The following TCF12 variants were observed in gnomAD, a reference collection of about 807,000 sequenced individuals.
TCF12 encodes the protein transcription factor 12.
TCF12 carries 45 observed loss-of-function variants against 86.0 expected under a neutral mutation model. The observed-to-expected ratio is 0.52, with a 90% confidence interval of 0.41 to 0.67. TCF12 has a LOEUF of 0.67. Ranked by LOEUF, TCF12 falls within the 30% of genes least tolerant of loss-of-function variation. The pLI, the probability that TCF12 is intolerant of heterozygous loss-of-function variation, is 0.00. For synonymous variants in TCF12, 330 were observed against 299.6 expected, an observed-to-expected ratio of 1.10 and a Z score of -1.05; for missense variants, 881 against 859.9, an observed-to-expected ratio of 1.02 and a Z score of -0.31.
At chr15:57,191,873 G>T (rs531515840) in intron 6 of TCF12, among the ~76,000 whole-genome samples, 2 of 151,700 alleles carry the variant, frequency 1.3e-5, no homozygotes, top group Non-Finnish European at 2.9e-5. Flanking sequence ...GGCAGAGGTC[G>T]CAGTGAGCTG....
chr15:57,122,098 CAAAA>C (rs1159877371), intron 5 of TCF12, among the ~76,000 whole-genome samples: 1 of 99,128 alleles, frequency 1.0e-5, no homozygotes, highest in Non-Finnish European at 2.3e-5. Context: ...TTTCCTTGTA[CAAAA>C]AAAAAAAAAA....
At chr15:57,007,868 T>TTC in intron 3 of TCF12, among the ~76,000 whole-genome samples, 1 of 26,818 alleles carries the variant, frequency 3.7e-5, no homozygotes, top group Non-Finnish European at 8.3e-5. Context: ...CTTCCTTCCT[T>TTC]CCTTCCTTCC....
chr15:57,024,658 G>T (rs549905730), intron 3 of TCF12, among the ~76,000 whole-genome samples: 34 of 152,250 alleles, frequency 2.2e-4, no homozygotes, highest in Non-Finnish European at 3.7e-4. Context: ...GGAGCTTGCC[G>T]GTACTGCAAA....
chr15:57,252,015 A>G (rs186451198), intron 14 of TCF12, among the ~76,000 whole-genome samples: 14 of 152,334 alleles, frequency 9.2e-5, no homozygotes, highest in South Asian at 6.2e-4. Flanking sequence ...AATGTTGACT[A>G]CTGTTGCTTT....
At chr15:57,062,037 A>G (rs1430060412) in intron 3 of TCF12, among the ~76,000 whole-genome samples, 5 of 151,736 alleles carry the variant, frequency 3.3e-5, no homozygotes, top group African/African-American at 9.7e-5. Flanking sequence ...GCTCACTGCA[A>G]CCTCCACCTT....
rs1225513283 is a variant in TCF12, at chr15:57,105,735, G to A, written c.325+13844G>A. ...CCATGAAAAGTTTTTAATGAGAAAC[G>A]CTGGTTTGGTCTTTATTTATGCTCT... is the stretch of plus-strand genomic sequence containing the variant. On this transcript the variant is annotated intron_variant, in intron 5 of 20. Transcript: ENST00000333725. Among the ~76,000 whole-genome samples the A allele has an allele frequency of 3.3e-5, 5 of 152,078 alleles. 1 individual carries two copies. The highest frequency in any genetic ancestry group is 1.3e-4 in the Admixed American group (2 of 15,272).
intron 3 of TCF12, among the ~76,000 whole-genome samples, chr15:57,061,436 T>TAA (rs568826887): frequency 1.4e-5 from 2 of 147,608 alleles, no homozygotes; most frequent in Admixed American, 1.3e-4. Context: ...CTCTACAAAA[T>TAA]AAAAAAAAAA....
chr15:57,049,089 G>C (rs1331659926), intron 3 of TCF12, among the ~76,000 whole-genome samples: 2 of 152,084 alleles, frequency 1.3e-5, no homozygotes, highest in African/African-American at 4.8e-5. Flanking sequence ...CACTTTCTGG[G>C]GGCCGTGGGA....
chr15:57,223,643 G>GTTTTTTTTTTTTTTTGT (rs2058710921), intron 8 of TCF12, among the ~76,000 whole-genome samples: 15 of 69,656 alleles, frequency 2.2e-4, no homozygotes, highest in African/African-American at 7.4e-4. Flanking sequence ...TACCAATGAG[G>GTTTTTTTTTTTTTTTGT]TTTTTTTTTT....
chr15:57,022,943 A>C (rs2065587014), intron 3 of TCF12, among the ~76,000 whole-genome samples: 1 of 152,170 alleles, frequency 6.6e-6, no homozygotes, highest in Non-Finnish European at 1.5e-5. Context: ...ACAGGTTACT[A>C]TTTCTAGCTT....
intron 8 of TCF12, among the ~76,000 whole-genome samples, chr15:57,203,094 C>T (rs114502507): frequency 0.011 from 1,750 of 152,280 alleles, 32 homozygotes; most frequent in African/African-American, 0.039. Context: ...TGCCTGGCAC[C>T]TAATGACTGC....
chr15:57,122,893 T>C (rs986050193), intron 5 of TCF12, among the ~76,000 whole-genome samples: 36 of 152,348 alleles, frequency 2.4e-4, no homozygotes, highest in African/African-American at 8.2e-4. Flanking sequence ...GAAAGGGATT[T>C]ATTCTTTCTA....
intron 6 of TCF12, among the ~76,000 whole-genome samples, chr15:57,190,358 C>T (rs2151700796): frequency 6.6e-6 from 1 of 152,314 alleles, no homozygotes; most frequent in East Asian, 1.9e-4. Flanking sequence ...TTCCAAAGCT[C>T]TGCTCCTGCT....
chr15:57,175,531 T>A (rs1396068578), intron 6 of TCF12, among the ~76,000 whole-genome samples: 1 of 152,204 alleles, frequency 6.6e-6, no homozygotes, highest in Non-Finnish European at 1.5e-5. Context: ...AAGATTACAC[T>A]GGCCTGCTGT....
chr15:57,283,715 G>C (rs2061802252), intron 20 of TCF12, among the ~76,000 whole-genome samples: 1 of 152,144 alleles, frequency 6.6e-6, no homozygotes. Flanking sequence ...CAGTTTCGTG[G>C]CTGTCTCATT....
chr15:57,147,513 C>T (rs73415449), intron 5 of TCF12, among the ~76,000 whole-genome samples: 6 of 150,676 alleles, frequency 4.0e-5, no homozygotes, highest in Non-Finnish European at 1.5e-5. Flanking sequence ...AAAGCTTTAC[C>T]CAAAATAAAC....
intron 3 of TCF12, among the ~76,000 whole-genome samples, chr15:56,991,712 G>T (rs774506539): frequency 9.2e-5 from 14 of 152,088 alleles, no homozygotes; most frequent in Non-Finnish European, 1.0e-4. Context: ...ATTCAGATGA[G>T]TTACTCATTT....
intron 3 of TCF12, among the ~76,000 whole-genome samples, chr15:57,013,957 G>A (rs555103301): frequency 6.6e-6 from 1 of 152,096 alleles, no homozygotes; most frequent in Non-Finnish European, 1.5e-5. Flanking sequence ...AAATGCTAAG[G>A]TGCAAGATGT....
intron 3 of TCF12, among the ~76,000 whole-genome samples, chr15:56,946,230 C>T (rs1455743466): frequency 3.9e-5 from 6 of 152,156 alleles, no homozygotes; most frequent in African/African-American, 1.4e-4. Context: ...ACTTCAATTA[C>T]ACATATATTA....
Sources: allele counts gnomAD v4.1 joint callset (sites outside exome capture counted in the v4.1 genomes callset), GRCh38; gene constraint gnomAD v4.1.1; transcripts MANE v1.5; gene names NCBI Gene and HGNC (gene_info 2026-07-23, HGNC 2026-07-21).